Variants in MPDZ observed in about 807,000 individuals in gnomAD.
MPDZ encodes multiple PDZ domain protein.
Under a neutral mutation model 239.1 loss-of-function variants are expected in MPDZ, and 234 were observed. That is an observed-to-expected ratio of 0.98 (90% CI 0.88 to 1.09). MPDZ has a LOEUF of 1.09. MPDZ is among the 50% of genes least tolerant of loss of function. MPDZ has a pLI of 0.00. For synonymous variants in MPDZ, 1,048 were observed against 881.3 expected, an observed-to-expected ratio of 1.19 and a Z score of -3.35; for missense variants, 3,175 against 2,510.0, an observed-to-expected ratio of 1.26 and a Z score of -5.66.
intron 32 of MPDZ, among the ~76,000 whole-genome samples, chr9:13,129,070 C>T (rs1326147016): frequency 1.3e-5 from 2 of 152,110 alleles, no homozygotes; most frequent in East Asian, 1.9e-4. Context: ...CTAAAAGAAA[C>T]AATAAGCTAC....
Position 13,190,207 on chromosome 9 carries a change from A to C in MPDZ, c.2061T>G (p.Val687=). The C allele has an allele frequency of 6.2e-7, 1 of 1,613,196 alleles. No individual in the cohort carries two copies. The change falls in exon 16 of 47, where the codon GTT becomes GTG. Residue 687 remains valine, a synonymous_variant. Coordinates refer to ENST00000319217, the MANE Select transcript of MPDZ (RefSeq NM_001378778.1). ...MTDAGQSTEE[V]QAPLAMWEAG... ...CCTCCCACATGGCCAAAGGTGCTTG[A>C]ACCTCTTCTGTACTCTGACCCGCAT...
intron 43 of MPDZ, 100 bp from the exon 44 acceptor site, chr9:13,110,840 A>AC: frequency 1.5e-6 from 1 of 688,038 alleles, no homozygotes; most frequent in Non-Finnish European, 2.4e-6. Flanking sequence ...TCCACATGAC[A>AC]TATATACTGC....
At chr9:13,223,488 A>C in intron 5 of MPDZ, 83 bp downstream of exon 5, 4 of 1,431,634 alleles carry the variant, frequency 2.8e-6, no homozygotes, top group Non-Finnish European at 2.8e-6. Flanking sequence ...GCCATTCATT[A>C]TTATTTTTCT....
intron 24 of MPDZ, 42 bp downstream of exon 24, chr9:13,157,976 T>C (rs1347845968): frequency 6.6e-7 from 1 of 1,524,906 alleles, no homozygotes; most frequent in Non-Finnish European, 9.1e-7. Context: ...CTTTAAACAC[T>C]ATATATCCAT....
Position 13,140,111 on chromosome 9 carries a change from T to C in MPDZ, c.3879A>G (p.Pro1293=), listed in dbSNP as rs779266872. The C allele has an allele frequency of 1.9e-5, 31 of 1,613,328 alleles. No homozygotes were observed. The Admixed American group carries it at 4.0e-4, about 21-fold the overall frequency. Residue 1293 remains proline (P), a synonymous_variant, in exon 28 of 47, where the codon CCA becomes CCG. Coordinates refer to ENST00000319217, the MANE Select transcript of MPDZ (RefSeq NM_001378778.1). ...SQSESEPEKA[P]LCSVPPPPPS... Reference sequence around the variant, plus strand: ...GAGGGGGTGGGGGCACACTGCACAATGGAGCCTTCTCTGGCTCTGACTCTG... The same window carrying C: ...GAGGGGGTGGGGGCACACTGCACAACGGAGCCTTCTCTGGCTCTGACTCTG...
chr9:13,143,400 A>T (rs1947986172), intron 27 of MPDZ, 66 bp downstream of exon 27: 1 of 1,197,524 alleles, frequency 8.4e-7, no homozygotes, highest in Non-Finnish European at 1.2e-6. Context: ...ACAAAGACAC[A>T]GTAGTAACAA....
intron 39 of MPDZ, among the ~76,000 whole-genome samples, chr9:13,118,940 T>A (rs1206097178): frequency 6.6e-6 from 1 of 152,186 alleles, no homozygotes; most frequent in Admixed American, 6.5e-5. Flanking sequence ...TACTGCTGAG[T>A]GAATCTGCAT....
In MPDZ at chr9:13,224,503, C is replaced by G; in HGVS notation, c.264G>C (p.Leu88=). Residue 88 remains leucine, a synonymous_variant, in exon 4 of 47, where the codon CTG becomes CTC. Transcript: ENST00000319217. ...PHLSPAVIPT[L]QNESFLLSPN... is the part of the protein sequence containing the mutation. ...GGGATAATAAAAACGATTCATTTTG[C>G]AGAGTAGGAATCACAGCTGGGCTGA... 1 of 1,612,730 alleles carries G rather than the reference C, an allele frequency of 6.2e-7. No homozygotes were observed. Among genetic ancestry groups the G allele is most frequent in the South Asian group, 1.1e-5 (1 of 91,052 alleles).
intron 8 of MPDZ, among the ~76,000 whole-genome samples, chr9:13,217,573 C>A (rs1958510614): frequency 6.6e-6 from 1 of 151,792 alleles, no homozygotes. Context: ...TTAAATCAAA[C>A]AGGTTTTTTT....
intron 10 of MPDZ, among the ~76,000 whole-genome samples, chr9:13,208,461 T>TA (rs1244672207): frequency 0.027 from 3,659 of 136,562 alleles, 72 homozygotes; most frequent in African/African-American, 0.056. Context: ...AAATAAATAT[T>TA]AAAAAAAAAA....
chr9:13,132,922 T>G (rs1024987097), intron 32 of MPDZ, among the ~76,000 whole-genome samples: 2 of 152,182 alleles, frequency 1.3e-5, no homozygotes, highest in African/African-American at 4.8e-5. Flanking sequence ...TCCACAGACA[T>G]TTCCTGGGCA....
Position 13,278,854 on chromosome 9 carries a change from G to A in MPDZ, c.-58+546C>T, listed in dbSNP as rs979743156. ...CTCTACCGCAACCCGCACATCCCGG[G>A]ACCACGTAACGGCGGATGGGGCGTC... is the stretch of plus-strand genomic sequence containing the variant. On this transcript the variant is annotated intron_variant, in intron 1 of 46. Coordinates refer to ENST00000319217, the MANE Select transcript of MPDZ (RefSeq NM_001378778.1). Among the ~76,000 whole-genome samples the A allele has an allele frequency of 3.9e-5, 6 of 151,952 alleles. No individual in the cohort carries two copies. In the South Asian group the frequency reaches 1.0e-3, roughly 26 times the overall value.
At chr9:13,158,765 A>G (rs938039945) in intron 23 of MPDZ, among the ~76,000 whole-genome samples, 3 of 152,216 alleles carry the variant, frequency 2.0e-5, no homozygotes, top group African/African-American at 4.8e-5. Flanking sequence ...AATGCCAGGC[A>G]TGTAACAAAA....
rs1249881062 is a variant in MPDZ at position 13,113,036 on chromosome 9, C to A, written c.5576G>T (p.Gly1859Val). The A allele has an allele frequency of 6.3e-7, 1 of 1,584,992 alleles. No homozygotes were observed. Among genetic ancestry groups the A allele is most frequent in the Admixed American group, 1.8e-5 (1 of 56,058 alleles). Reference sequence around the variant, plus strand: ...CTTTTTCATTTCGACTGTTCTTAATCCCTGTATTTCAGATGCCACTGTAAA... The same window carrying A: ...CTTTTTCATTTCGACTGTTCTTAATACCTGTATTTCAGATGCCACTGTAAA... Reference protein sequence around the residue: ...KKNALASEIQGLRTVEMKKGP... With the variant: ...KKNALASEIQVLRTVEMKKGP... Residue 1859 changes from glycine (G) to valine (V), a missense_variant, in exon 42 of 47, where the codon GGA becomes GTA. Coordinates refer to ENST00000319217, the MANE Select transcript of MPDZ (RefSeq NM_001378778.1).
chr9:13,273,018 G>A (rs142041106), intron 1 of MPDZ, among the ~76,000 whole-genome samples: 81 of 152,152 alleles, frequency 5.3e-4, no homozygotes, highest in African/African-American at 1.9e-3. Context: ...CTAATGAATG[G>A]GATTAGTGCC....
chr9:13,113,917 T>C lies in MPDZ; in HGVS notation c.5557+14A>G. On this transcript the variant is annotated intron_variant, in intron 41 of 46. Transcript: ENST00000319217. ...CAAATTCAAACCATGTTTAAAATACTGAACCAATCTTACATGCATTCTTCT... is the reference window on the plus strand; with the variant it reads ...CAAATTCAAACCATGTTTAAAATACCGAACCAATCTTACATGCATTCTTCT... 6.4e-7 allele frequency: 1 copy of C among 1,566,042 alleles called. No individual in the cohort carries two copies. Among genetic ancestry groups the C allele is most frequent in the Non-Finnish European group, 8.7e-7 (1 of 1,151,902 alleles).
chr9:13,135,910 A>C, intron 31 of MPDZ, 182 bp downstream of exon 31: 1 of 491,274 alleles, frequency 2.0e-6, no homozygotes, highest in East Asian at 3.2e-5. Context: ...TACTCTTCAC[A>C]TAAGTGGTAT....
At position 13,105,727 on chromosome 9, in the gene MPDZ, CTTAT is replaced by C. The variant is rs1034317624; in HGVS notation, c.*1234_*1237del. ...GCTTATTTGTGCACCACTGAAAATT[CTTAT>C]TTATTCACTTTAATTCTGCATTTAC... On this transcript the variant is annotated 3_prime_UTR_variant, in exon 47 of 47. Coordinates refer to ENST00000319217, the MANE Select transcript of MPDZ (RefSeq NM_001378778.1). 17 of 152,280 alleles carry C rather than the reference CTTAT, an allele frequency of 1.1e-4. No homozygotes were observed. The highest frequency in any genetic ancestry group is 7.8e-4 in the Admixed American group (12 of 15,290). 9.4% of individuals were successfully genotyped at this position (152,280 alleles called of 1,614,324 possible).
intron 24 of MPDZ, 86 bp downstream of exon 24, chr9:13,157,932 T>C (rs1289729629): frequency 9.0e-6 from 10 of 1,113,904 alleles, no homozygotes; most frequent in African/African-American, 1.5e-5. Flanking sequence ...AAGAAGCAAG[T>C]TGTAATCCAG....
Sources: allele counts gnomAD v4.1 joint callset (sites outside exome capture counted in the v4.1 genomes callset), GRCh38; gene constraint gnomAD v4.1.1; transcripts MANE v1.5; gene names NCBI Gene and HGNC (gene_info 2026-07-23, HGNC 2026-07-21).